FUT9: variants seen among roughly 807,000 people sequenced by gnomAD.
FUT9 encodes fucosyltransferase 9.
Under a neutral mutation model 29.7 loss-of-function variants are expected in FUT9, and 15 were observed. The ratio of observed to expected loss-of-function variants is 0.51; its 90% confidence interval spans 0.34 to 0.78. The LOEUF (loss-of-function observed/expected upper bound fraction) is 0.78. Among genes scored for constraint, FUT9 ranks in the 30% least tolerant of loss-of-function variants. The pLI is 0.01. For missense variants in FUT9, 319 were observed against 425.4 expected, an observed-to-expected ratio of 0.75 and a Z score of 2.20; for synonymous variants, 169 against 153.7, an observed-to-expected ratio of 1.10 and a Z score of -0.74.
chr6:96,121,024 G>A (rs1246194753), intron 2 of FUT9, among the ~76,000 whole-genome samples: 3 of 152,050 alleles, frequency 2.0e-5, no homozygotes, highest in African/African-American at 4.8e-5. Context: ...AACATAGTTG[G>A]TAATACAGAA....
At chr6:96,193,527 G>C (rs1773560784) in intron 2 of FUT9, among the ~76,000 whole-genome samples, 1 of 151,632 alleles carries the variant, frequency 6.6e-6, no homozygotes, top group South Asian at 2.1e-4. Flanking sequence ...CAGTTAGAAT[G>C]GCAATCATGA....
intron 2 of FUT9, among the ~76,000 whole-genome samples, chr6:96,197,596 T>A (rs976625425): frequency 4.6e-5 from 7 of 152,144 alleles, no homozygotes; most frequent in Non-Finnish European, 7.4e-5. Context: ...TTACCAGCTA[T>A]CAAAAAATCT....
At position 96,206,304 on chromosome 6, in the gene FUT9, C is replaced by G. The variant is rs888964501; in HGVS notation, c.*2069C>G. On this transcript the variant is annotated 3_prime_UTR_variant, in exon 3 of 3. Coordinates refer to ENST00000302103, the MANE Select transcript of FUT9 (RefSeq NM_006581.4). ...AGAAATAATATTTTTATGTGGATGT[C>G]CTCCTCAATAAGTAAAGATCTCCAT... is the stretch of plus-strand genomic sequence containing the variant. The G allele has an allele frequency of 6.0e-6, 1 of 167,018 alleles. No individual in the cohort carries two copies. Among genetic ancestry groups the G allele is most frequent in the Non-Finnish European group, 1.5e-5 (1 of 68,114 alleles). 10.3% of individuals were successfully genotyped at this position (167,018 alleles called of 1,614,324 possible). A position where few individuals can be genotyped will look rare whatever the true frequency, so the allele number is the denominator to read the frequency against.
intron 2 of FUT9, among the ~76,000 whole-genome samples, chr6:96,165,612 T>A (rs888577642): frequency 6.6e-6 from 1 of 151,838 alleles, no homozygotes; most frequent in Non-Finnish European, 1.5e-5. Flanking sequence ...CAAGTGACTG[T>A]CACTTGTGCA....
chr6:96,092,624 C>T (rs1447273351), intron 1 of FUT9, among the ~76,000 whole-genome samples: 2 of 152,110 alleles, frequency 1.3e-5, no homozygotes, highest in Non-Finnish European at 2.9e-5. Flanking sequence ...AACTCACAAT[C>T]GAGACTTTGC....
At chr6:96,161,431 T>C (rs570856215) in intron 2 of FUT9, among the ~76,000 whole-genome samples, 1 of 152,292 alleles carries the variant, frequency 6.6e-6, no homozygotes, top group African/African-American at 2.4e-5. Context: ...ATATTTGTTG[T>C]TTATGAGCCA....
chr6:96,066,636 A>C (rs571625638), intron 1 of FUT9, among the ~76,000 whole-genome samples: 1 of 152,248 alleles, frequency 6.6e-6, no homozygotes, highest in East Asian at 1.9e-4. Flanking sequence ...TTCTTAAAGC[A>C]ATAGGACCAT....
At chr6:96,189,922 G>A (rs1773475055) in intron 2 of FUT9, among the ~76,000 whole-genome samples, 1 of 152,012 alleles carries the variant, frequency 6.6e-6, no homozygotes, top group South Asian at 2.1e-4. Context: ...AGTTAATATT[G>A]TTATGTGTAA....
In FUT9 at chr6:96,212,303, G is replaced by T; in HGVS notation, c.*8068G>T. 2.4e-6 allele frequency: 1 copy of T among 412,676 alleles called. No homozygotes were observed. Among genetic ancestry groups the T allele is most frequent in the Non-Finnish European group, 4.4e-6 (1 of 225,568 alleles). The allele number at this position is 412,676 out of a possible 1,614,324, so 25.6% of individuals were successfully genotyped here. ...TGCCAGAGGATATGAGCTCATCTAG[G>T]ATGGAATACATGTCTCCAGGGACTG... On this transcript the variant is annotated 3_prime_UTR_variant, in exon 3 of 3. Coordinates refer to ENST00000302103, the MANE Select transcript of FUT9 (RefSeq NM_006581.4).
chr6:96,111,397 A>G (rs557199474), intron 1 of FUT9, among the ~76,000 whole-genome samples: 53 of 152,266 alleles, frequency 3.5e-4, no homozygotes, highest in African/African-American at 1.1e-3. Context: ...CTCCCTATAC[A>G]TAATAGAAAA....
chr6:96,122,819 G>T (rs1353873553), intron 2 of FUT9, among the ~76,000 whole-genome samples: 1 of 151,994 alleles, frequency 6.6e-6, no homozygotes, highest in Non-Finnish European at 1.5e-5. Context: ...GGCCGAGGCC[G>T]GTGGATCACG....
At chr6:96,145,815 T>C (rs1160982395) in intron 2 of FUT9, among the ~76,000 whole-genome samples, 1 of 152,144 alleles carries the variant, frequency 6.6e-6, no homozygotes, top group African/African-American at 2.4e-5. Flanking sequence ...AGGTTGTAGG[T>C]CACGAGGTCT....
Position 96,027,696 on chromosome 6 carries a change from C to T in FUT9, c.-98+11484C>T, listed in dbSNP as rs964329668. 3.2e-4 allele frequency among the ~76,000 whole-genome samples: 48 copies of T among 151,592 alleles called. 1 individual carries two copies. Among genetic ancestry groups the T allele is most frequent in the African/African-American group, 1.1e-3 (47 of 41,346 alleles). On this transcript the variant is annotated intron_variant, in intron 1 of 2. Coordinates refer to ENST00000302103, the MANE Select transcript of FUT9 (RefSeq NM_006581.4). ...GGGACAGCTGCCCTTTCCTTCTGTG[C>T]AGTGAACTTGAAGGATCAGATAAAG...
At chr6:96,111,060 A>C (rs776403519) in intron 1 of FUT9, among the ~76,000 whole-genome samples, 14 of 152,126 alleles carry the variant, frequency 9.2e-5, no homozygotes, top group African/African-American at 3.4e-4. Context: ...AAGTAAAAAC[A>C]CTTAGTGAAT....
chr6:96,041,631 T>C (rs1162448607), intron 1 of FUT9, among the ~76,000 whole-genome samples: 5 of 152,182 alleles, frequency 3.3e-5, no homozygotes, highest in Non-Finnish European at 7.3e-5. Flanking sequence ...ATTTAGCTGT[T>C]CTGGACACTA....
intron 1 of FUT9, among the ~76,000 whole-genome samples, chr6:96,035,664 T>TAA (rs1379642260): frequency 5.0e-5 from 7 of 139,402 alleles, no homozygotes; most frequent in African/African-American, 1.3e-4. Context: ...TAATATAATA[T>TAA]TATATTAAAA....
intron 2 of FUT9, among the ~76,000 whole-genome samples, chr6:96,148,670 G>A (rs776737897): frequency 2.6e-5 from 4 of 152,172 alleles, no homozygotes; most frequent in Non-Finnish European, 4.4e-5. Flanking sequence ...CAGAGAGTAT[G>A]TATTTTGTAA....
chr6:96,088,289 TC>T (rs1323741700), intron 1 of FUT9, among the ~76,000 whole-genome samples: 3 of 152,040 alleles, frequency 2.0e-5, no homozygotes, highest in Non-Finnish European at 4.4e-5. Context: ...TGTTCTTATT[TC>T]ATTTTTAAAG....
Position 96,203,265 on chromosome 6 carries a change from T to A in FUT9, c.110T>A (p.Ile37Asn). ...LIYIKPTNSW[I>N]FSPMESASSV... Reference sequence around the variant, plus strand: ...TACATCAAACCTACCAACAGCTGGATCTTCAGTCCAATGGAATCAGCCAGC... The same window carrying A: ...TACATCAAACCTACCAACAGCTGGAACTTCAGTCCAATGGAATCAGCCAGC... The change falls in exon 3 of 3, where the codon ATC (isoleucine) becomes AAC (asparagine). Residue 37 changes from isoleucine (I) to asparagine (N), a missense_variant. By Grantham distance (149) the Ile-to-Asn change is moderately radical. Coordinates refer to ENST00000302103, the MANE Select transcript of FUT9 (RefSeq NM_006581.4). 6.2e-7 allele frequency: 1 copy of A among 1,613,942 alleles called. No individual in the cohort carries two copies. Among genetic ancestry groups the A allele is most frequent in the Non-Finnish European group, 8.5e-7 (1 of 1,179,920 alleles).
Sources: gnomAD v4.1 joint callset for allele counts (sites outside exome capture counted in the v4.1 genomes callset) on GRCh38, gnomAD v4.1.1 for gene constraint, MANE v1.5 for transcripts, NCBI Gene and HGNC (gene_info 2026-07-23, HGNC 2026-07-21) for gene names.